HS3ST4: variants seen among roughly 807,000 people sequenced by gnomAD.
HS3ST4 encodes heparan sulfate glucosamine 3-O-sulfotransferase 4.
Under a neutral mutation model 29.2 loss-of-function variants are expected in HS3ST4, and 17 were observed. The observed-to-expected ratio is 0.58, with a 90% CI of 0.40 to 0.87. The LOEUF is 0.87. Ranked by LOEUF, HS3ST4 falls within the 40% of genes least tolerant of loss-of-function variation. The pLI is 0.00. For missense variants in HS3ST4, 627 were observed against 634.5 expected, an observed-to-expected ratio of 0.99 and a Z score of 0.13; for synonymous variants, 314 against 285.7, an observed-to-expected ratio of 1.10 and a Z score of -1.00.
intron 1 of HS3ST4, among the ~76,000 whole-genome samples, chr16:25,878,038 G>T (rs951289642): frequency 6.6e-6 from 1 of 152,120 alleles, no homozygotes; most frequent in African/African-American, 2.4e-5. Context: ...AGAGCTTATA[G>T]GTTGTGGTTA....
intron 1 of HS3ST4, among the ~76,000 whole-genome samples, chr16:25,809,622 AC>A (rs1398812376): frequency 2.0e-5 from 3 of 152,160 alleles, no homozygotes; most frequent in Admixed American, 6.5e-5. Flanking sequence ...TTCCAGTGAA[AC>A]CATCTGGGTC....
chr16:25,901,905 G>A (rs947085627), intron 1 of HS3ST4, among the ~76,000 whole-genome samples: 2 of 152,124 alleles, frequency 1.3e-5, no homozygotes, highest in Non-Finnish European at 1.5e-5. Context: ...GAGAAAAAAT[G>A]AGTTTCACTT....
In HS3ST4 at chr16:25,914,510, G is replaced by A. The variant is rs1165533648; in HGVS notation, c.735-221102G>A. ...CAATGTACATGTGTGGGGGGAGGCA[G>A]GGGAGGTGCGGTGTGCATGTATATG... On this transcript the variant is annotated intron_variant, in intron 1 of 1. Coordinates refer to ENST00000331351, the MANE Select transcript of HS3ST4 (RefSeq NM_006040.3). Among the ~76,000 whole-genome samples the A allele has an allele frequency of 2.0e-5, 3 of 151,032 alleles. No individual in the cohort carries two copies. In the East Asian group the frequency reaches 5.8e-4, roughly 29 times the overall value.
At chr16:25,873,970 G>A (rs1406576907) in intron 1 of HS3ST4, among the ~76,000 whole-genome samples, 1 of 152,114 alleles carries the variant, frequency 6.6e-6, no homozygotes, top group Admixed American at 6.6e-5. Context: ...CCCAAGTGAA[G>A]CAATATGGGA....
intron 1 of HS3ST4, among the ~76,000 whole-genome samples, chr16:25,766,021 C>T (rs1966816868): frequency 6.6e-6 from 1 of 151,966 alleles, no homozygotes; most frequent in African/African-American, 2.4e-5. Flanking sequence ...GTCGGAAATC[C>T]CAGAATGATA....
intron 1 of HS3ST4, among the ~76,000 whole-genome samples, chr16:25,854,049 A>G (rs369158559): frequency 6.6e-6 from 1 of 151,266 alleles, no homozygotes; most frequent in African/African-American, 2.4e-5. Context: ...GAGATTTTCT[A>G]TTTCTTTATG....
chr16:25,785,826 G>T (rs1229302243), intron 1 of HS3ST4, among the ~76,000 whole-genome samples: 3 of 152,148 alleles, frequency 2.0e-5, no homozygotes, highest in Admixed American at 1.3e-4. Context: ...AGCCGGGAGA[G>T]GGGTGGTAAT....
At chr16:25,826,697 G>A (rs1321298448) in intron 1 of HS3ST4, among the ~76,000 whole-genome samples, 1 of 152,160 alleles carries the variant, frequency 6.6e-6, no homozygotes, top group Non-Finnish European at 1.5e-5. Flanking sequence ...GTCTTGGTGA[G>A]GTCAACAAAG....
At chr16:26,023,309 A>G (rs1969434310) in intron 1 of HS3ST4, among the ~76,000 whole-genome samples, 1 of 151,826 alleles carries the variant, frequency 6.6e-6, no homozygotes, top group Non-Finnish European at 1.5e-5. Flanking sequence ...ATATATATAT[A>G]TATTTCTGCC....
chr16:25,701,408 G>A (rs957993198), intron 1 of HS3ST4, among the ~76,000 whole-genome samples: 4 of 152,046 alleles, frequency 2.6e-5, no homozygotes, highest in Non-Finnish European at 5.9e-5. Flanking sequence ...TATTCTTTAC[G>A]GGGAAACTGT....
intron 1 of HS3ST4, among the ~76,000 whole-genome samples, chr16:25,936,376 T>C (rs1244548863): frequency 6.6e-6 from 1 of 152,160 alleles, no homozygotes; most frequent in East Asian, 1.9e-4. Context: ...TTTAGAACCA[T>C]CTGATCAAGT....
In HS3ST4 at chr16:26,135,603, C is replaced by A; in HGVS notation, c.735-9C>A. ...TAACCATTCTCTTCCTTTTTCCTCC[C>A]TCTCCTAGAAATGTGATGCCCAAGA... On this transcript the variant is annotated splice_polypyrimidine_tract_variant and intron_variant, in intron 1 of 1. Transcript: ENST00000331351. 6 of 1,565,832 alleles carry A rather than the reference C, an allele frequency of 3.8e-6. No individual in the cohort carries two copies. The highest frequency in any genetic ancestry group is 5.2e-6 in the Non-Finnish European group (6 of 1,159,334).
At chr16:25,837,470 G>A (rs1450170173) in intron 1 of HS3ST4, among the ~76,000 whole-genome samples, 1 of 152,192 alleles carries the variant, frequency 6.6e-6, no homozygotes, top group Non-Finnish European at 1.5e-5. Flanking sequence ...ACTAGGGCAT[G>A]GGGAGAGAGC....
At chr16:25,935,736 G>A (rs533404964) in intron 1 of HS3ST4, among the ~76,000 whole-genome samples, 1 of 152,116 alleles carries the variant, frequency 6.6e-6, no homozygotes, top group South Asian at 2.1e-4. Flanking sequence ...ACACCTGGTT[G>A]TTTCCAAGTT....
At chr16:25,735,251 G>T (rs939213021) in intron 1 of HS3ST4, among the ~76,000 whole-genome samples, 5 of 152,140 alleles carry the variant, frequency 3.3e-5, no homozygotes, top group African/African-American at 1.2e-4. Flanking sequence ...TAATTTATAT[G>T]TTCAGCTAAC....
intron 1 of HS3ST4, chr16:26,028,851 C>A (rs973816900): frequency 1.3e-5 from 2 of 152,218 alleles, no homozygotes; most frequent in Non-Finnish European, 2.9e-5. Flanking sequence ...GGATTAAACA[C>A]AGAGCCCTGA....
chr16:26,109,891 C>CT (rs928467983), intron 1 of HS3ST4, among the ~76,000 whole-genome samples: 51 of 151,896 alleles, frequency 3.4e-4, no homozygotes, highest in African/African-American at 1.1e-3. Context: ...ACATCACACA[C>CT]TTTTTTTTGT....
At chr16:25,967,927 A>T (rs906060950) in intron 1 of HS3ST4, among the ~76,000 whole-genome samples, 26 of 152,180 alleles carry the variant, frequency 1.7e-4, no homozygotes, top group African/African-American at 6.0e-4. Context: ...TCTGCCTGTG[A>T]CTATGTTACC....
chr16:25,936,452 G>C (rs1968518008), intron 1 of HS3ST4, among the ~76,000 whole-genome samples: 1 of 152,154 alleles, frequency 6.6e-6, no homozygotes, highest in South Asian at 2.1e-4. Context: ...TCTTGTGTTA[G>C]GTCTAAAGTA....
Sources: allele counts gnomAD v4.1 joint callset (sites outside exome capture counted in the v4.1 genomes callset), GRCh38; gene constraint gnomAD v4.1.1; transcripts MANE v1.5; gene names NCBI Gene and HGNC (gene_info 2026-07-23, HGNC 2026-07-21).